CDC16: variants seen among roughly 807,000 people sequenced by gnomAD.
CDC16 encodes the protein cell division cycle 16, also known as cell division cycle protein 16 homolog.
Under a neutral mutation model 87.0 loss-of-function variants are expected in CDC16, and 34 were observed. The ratio of observed to expected loss-of-function variants is 0.39; its 90% CI spans 0.30 to 0.52. The LOEUF (loss-of-function observed/expected upper bound fraction) is 0.52. Among genes scored for constraint, CDC16 ranks in the 20% least tolerant of loss-of-function variants. The probability of loss-of-function intolerance (pLI) is 0.74; values close to 1 mark genes in which losing one functional copy is unlikely to be tolerated. For missense variants in CDC16, 653 were observed against 751.9 expected, an observed-to-expected ratio of 0.87 and a Z score of 1.54; for synonymous variants, 263 against 260.6, an observed-to-expected ratio of 1.01 and a Z score of -0.09.
intron 17 of CDC16, among the ~76,000 whole-genome samples, chr13:114,268,243 A>C (rs766669609): frequency 6.6e-6 from 1 of 152,220 alleles, no homozygotes; most frequent in African/African-American, 2.4e-5. Flanking sequence ...AAAAGAAATG[A>C]AAAATAAATC....
At chr13:114,251,768 A>G (rs1048664638) in intron 12 of CDC16, among the ~76,000 whole-genome samples, 3 of 152,184 alleles carry the variant, frequency 2.0e-5, no homozygotes, top group Non-Finnish European at 2.9e-5. Context: ...TGCAGTTCCT[A>G]TTGAGGAGTC....
chr13:114,269,554 T>A (rs1457572563), intron 17 of CDC16, among the ~76,000 whole-genome samples: 1 of 152,184 alleles, frequency 6.6e-6, no homozygotes, highest in Non-Finnish European at 1.5e-5. Flanking sequence ...ATAGCTTTAT[T>A]CATTACAGCA....
intron 17 of CDC16, among the ~76,000 whole-genome samples, chr13:114,266,902 T>G (rs1012543880): frequency 6.6e-6 from 1 of 151,974 alleles, no homozygotes; most frequent in Non-Finnish European, 1.5e-5. Context: ...TTCACAGTGT[T>G]CGCCAGGATG....
intron 12 of CDC16, among the ~76,000 whole-genome samples, chr13:114,253,000 G>A (rs2082281787): frequency 6.6e-6 from 1 of 152,150 alleles, no homozygotes; most frequent in Non-Finnish European, 1.5e-5. Flanking sequence ...AGCTGGGTTT[G>A]ATGGTGCCTG....
chr13:114,249,402 T>A (rs1283009301), intron 11 of CDC16, among the ~76,000 whole-genome samples: 1 of 151,876 alleles, frequency 6.6e-6, no homozygotes, highest in Non-Finnish European at 1.5e-5. Context: ...GCCACTCACC[T>A]CCTGCTGTGC....
chr13:114,235,821 G>A (rs532683396), intron 1 of CDC16, among the ~76,000 whole-genome samples: 1 of 152,348 alleles, frequency 6.6e-6, no homozygotes, highest in Admixed American at 6.5e-5. Context: ...TTGGAGGGCT[G>A]TGTTTTTATT....
intron 12 of CDC16, among the ~76,000 whole-genome samples, chr13:114,256,257 C>G (rs1023151686): frequency 6.6e-6 from 1 of 152,154 alleles, no homozygotes; most frequent in Non-Finnish European, 1.5e-5. Context: ...GTTGTTGCTT[C>G]TATGGATGAA....
intron 6 of CDC16, 109 bp from the exon 7 acceptor site, chr13:114,243,148 G>C: frequency 1.6e-6 from 1 of 628,372 alleles, no homozygotes; most frequent in South Asian, 2.1e-5. Context: ...GTTCTCTTTT[G>C]AGTTTGATTT....
At chr13:114,242,083 G>C in intron 5 of CDC16, 38 bp from the exon 6 acceptor site, 1 of 1,563,222 alleles carries the variant, frequency 6.4e-7, no homozygotes. Flanking sequence ...AAGTTTAAAA[G>C]TACTGACTTA....
chr13:114,271,112 G>C (rs373880303), intron 17 of CDC16, among the ~76,000 whole-genome samples: 5 of 151,672 alleles, frequency 3.3e-5, no homozygotes, highest in East Asian at 2.0e-4. Context: ...TAGTAGAGAC[G>C]GGGTTTCACC....
At chr13:114,265,664 CAG>C (rs1262307761) in intron 17 of CDC16, among the ~76,000 whole-genome samples, 3 of 152,138 alleles carry the variant, frequency 2.0e-5, no homozygotes, top group Admixed American at 6.5e-5. Context: ...ATTTCCATAA[CAG>C]TGAATAAGTA....
intron 17 of CDC16, among the ~76,000 whole-genome samples, chr13:114,267,600 A>G (rs755516031): frequency 1.1e-4 from 16 of 152,234 alleles, no homozygotes; most frequent in Non-Finnish European, 4.4e-5. Flanking sequence ...TGTCAAAATT[A>G]TATGCCATAT....
chr13:114,249,140 G>A (rs1281704501), intron 11 of CDC16, among the ~76,000 whole-genome samples: 1 of 151,728 alleles, frequency 6.6e-6, no homozygotes, highest in Non-Finnish European at 1.5e-5. Context: ...GGTCCCATCT[G>A]GGAGAGATGG....
Position 114,243,260 on chromosome 13 carries a change from A to G in CDC16, c.545A>G (p.Lys182Arg). 1 of 1,469,688 alleles carries G rather than the reference A, an allele frequency of 6.8e-7. No individual in the cohort carries two copies. The allele number at this position is 1,469,688 out of a possible 1,614,324, so 91.0% of individuals were successfully genotyped here. The change falls in exon 7 of 18, where the codon AAA (lysine) becomes AGA (arginine). Residue 182 changes from lysine to arginine, a missense_variant. Coordinates refer to ENST00000356221, the MANE Select transcript of CDC16 (RefSeq NM_001078645.3). ...TTTTTTTCTCACCATTTTTAAGAAA[A>G]AGAACTTCTTGAATCACTACCCCTT... ...SHHMLTAQEE[K>R]ELLESLPLSK...
At chr13:114,245,934 A>T (rs947951558) in intron 9 of CDC16, 66 bp from the exon 10 acceptor site, 2 of 835,260 alleles carry the variant, frequency 2.4e-6, no homozygotes, top group African/African-American at 3.4e-5. Context: ...AAGAGTTGTA[A>T]TGAAATCATG....
intron 2 of CDC16, 48 bp from the exon 3 acceptor site, chr13:114,236,751 C>T (rs1370522425): frequency 6.2e-7 from 1 of 1,612,658 alleles, no homozygotes; most frequent in Non-Finnish European, 8.5e-7. Flanking sequence ...AATTCGTTTT[C>T]TATTTCACCT....
At chr13:114,270,900 C>T (rs1414877956) in intron 17 of CDC16, among the ~76,000 whole-genome samples, 5 of 148,154 alleles carry the variant, frequency 3.4e-5, no homozygotes, top group African/African-American at 1.2e-4. Flanking sequence ...CTTGACCTCG[C>T]AGAAGAGATT....
At chr13:114,238,241 G>A (rs1414844837) in intron 3 of CDC16, among the ~76,000 whole-genome samples, 25 of 144,854 alleles carry the variant, frequency 1.7e-4, no homozygotes, top group African/African-American at 5.9e-4. Flanking sequence ...CTCCTCGGAC[G>A]CCCAGCAGTT....
At chr13:114,240,323 C>T (rs7988771) in intron 5 of CDC16, among the ~76,000 whole-genome samples, 418 of 152,212 alleles carry the variant, frequency 2.7e-3, no homozygotes, top group African/African-American at 5.9e-3. Context: ...GATTCTCCCA[C>T]CTCAGCCTCC....
Sources: allele counts gnomAD v4.1 joint callset (sites outside exome capture counted in the v4.1 genomes callset), GRCh38; gene constraint gnomAD v4.1.1; transcripts MANE v1.5; gene names NCBI Gene and HGNC (gene_info 2026-07-23, HGNC 2026-07-21).